MAPRE2: variants seen among roughly 807,000 people sequenced by gnomAD.
MAPRE2 encodes microtubule-associated protein RP/EB family member 2.
Under a neutral mutation model 43.2 loss-of-function variants are expected in MAPRE2, and 13 were observed. That is an observed-to-expected ratio of 0.30 (90% CI 0.20 to 0.48). The LOEUF (loss-of-function observed/expected upper bound fraction) is 0.48. Ranked by LOEUF, MAPRE2 falls within the 20% of genes least tolerant of loss-of-function variation. The pLI is 0.99. For synonymous variants in MAPRE2, 135 were observed against 148.8 expected (o/e 0.91, Z 0.68); for missense variants, 161 against 400.2 (o/e 0.40, Z 5.10).
chr18:35,035,644 T>A (rs1415078557), intron 2 of MAPRE2, among the ~76,000 whole-genome samples: 2 of 151,352 alleles, frequency 1.3e-5, no homozygotes, highest in Non-Finnish European at 2.9e-5. Context: ...TCAAATCTAG[T>A]AAACATATCT....
At chr18:35,140,213 C>A in intron 6 of MAPRE2, 82 bp from the exon 7 acceptor site, 1 of 1,237,454 alleles carries the variant, frequency 8.1e-7, no homozygotes, top group Non-Finnish European at 1.2e-6. Flanking sequence ...AGACGCCATG[C>A]TGGCAGTGGC....
At chr18:35,010,059 C>A (rs1035602796) in intron 2 of MAPRE2, among the ~76,000 whole-genome samples, 3 of 152,090 alleles carry the variant, frequency 2.0e-5, no homozygotes, top group African/African-American at 7.2e-5. Context: ...CCATCTCACA[C>A]CACAGTAACA....
Position 35,131,899 on chromosome 18 carries a change from C to T in MAPRE2, c.751-133C>T, listed in dbSNP as rs933555527. Reference sequence around the variant, plus strand: ...TCCAGACAACAGCCCTGTTGTTTCTCCCTCAGACTTACACATTGGTTATTT... The same window carrying T: ...TCCAGACAACAGCCCTGTTGTTTCTTCCTCAGACTTACACATTGGTTATTT... On this transcript the variant is annotated intron_variant, in intron 5 of 6. Transcript: ENST00000300249. 3 of 863,282 alleles carry T rather than the reference C, an allele frequency of 3.5e-6. No homozygotes were observed. The African/African-American group carries it at 5.1e-5, about 15-fold the overall frequency. The allele number at this position is 863,282 out of a possible 1,614,324, so 53.5% of individuals were successfully genotyped here.
intron 2 of MAPRE2, among the ~76,000 whole-genome samples, chr18:35,076,908 T>C (rs1235262441): frequency 6.6e-6 from 1 of 152,186 alleles, no homozygotes; most frequent in Non-Finnish European, 1.5e-5. Context: ...ACTGCATTAG[T>C]ATTTATCACA....
At chr18:35,101,351 G>A (rs929294058) in intron 3 of MAPRE2, among the ~76,000 whole-genome samples, 9 of 152,232 alleles carry the variant, frequency 5.9e-5, no homozygotes, top group African/African-American at 1.9e-4. Context: ...GAAGCACATC[G>A]TGGAGAATCA....
intron 2 of MAPRE2, among the ~76,000 whole-genome samples, chr18:35,025,610 C>T (rs994903447): frequency 2.6e-5 from 4 of 152,174 alleles, no homozygotes; most frequent in Non-Finnish European, 5.9e-5. Context: ...GGTAACAACT[C>T]GGATACTGTT....
chr18:35,054,579 G>T (rs544757069), intron 1 of MAPRE2, among the ~76,000 whole-genome samples: 1 of 152,176 alleles, frequency 6.6e-6, no homozygotes. Flanking sequence ...TGAGAGTTGC[G>T]AGTGTTCTTT....
chr18:35,019,777 G>A (rs927900721), intron 2 of MAPRE2, among the ~76,000 whole-genome samples: 2 of 152,010 alleles, frequency 1.3e-5, no homozygotes, highest in African/African-American at 4.8e-5. Context: ...AATACTCTGA[G>A]TGGCAATCTC....
intron 1 of MAPRE2, among the ~76,000 whole-genome samples, chr18:35,065,913 A>G (rs1906818464): frequency 6.6e-6 from 1 of 152,326 alleles, no homozygotes; most frequent in African/African-American, 2.4e-5. Context: ...TGAAAGCCAC[A>G]AAGTGGGAGA....
intron 1 of MAPRE2, among the ~76,000 whole-genome samples, chr18:34,995,966 A>G (rs2097026298): frequency 6.6e-6 from 1 of 152,150 alleles, no homozygotes; most frequent in African/African-American, 2.4e-5. Context: ...GACGTACTGA[A>G]TCATAACCTG....
rs1254942244 is a variant in MAPRE2, at chr18:35,142,338, G to T, written c.*1969G>T. 2 of 152,248 alleles carry T rather than the reference G, an allele frequency of 1.3e-5. No homozygotes were observed. Among genetic ancestry groups the T allele is most frequent in the East Asian group, 3.9e-4 (2 of 5,194 alleles). The allele number at this position is 152,248 out of a possible 1,614,324, so 9.4% of individuals were successfully genotyped here. ...TCCTAGGCCATTCTTCATCTGCTCT[G>T]GACATCTCAGTCATACCCAATGCTC... On this transcript the variant is annotated 3_prime_UTR_variant, in exon 7 of 7. Transcript: ENST00000300249.
intron 2 of MAPRE2, among the ~76,000 whole-genome samples, chr18:35,021,698 G>A (rs2097042024): frequency 6.6e-6 from 1 of 152,070 alleles, no homozygotes; most frequent in Non-Finnish European, 1.5e-5. Flanking sequence ...GAGTATCACA[G>A]GGTATAAAGC....
Position 35,002,264 on chromosome 18 carries a change from T to C in MAPRE2, c.-69-3228T>C, listed in dbSNP as rs1393027143. On this transcript the variant is annotated intron_variant, in intron 1 of 7. Transcript: ENST00000413393. ...GATTCATTCAGGTTGTTACTTTCTA[T>C]CAATAGTTGGTTCCTTCTTATTGCT... Among the ~76,000 whole-genome samples, 5 of 152,366 alleles carry C rather than the reference T, an allele frequency of 3.3e-5. No individual in the cohort carries two copies. In the East Asian group the frequency reaches 9.6e-4, roughly 29 times the overall value.
intron 4 of MAPRE2, among the ~76,000 whole-genome samples, chr18:35,114,565 A>G (rs563470671): frequency 8.5e-5 from 13 of 152,188 alleles, no homozygotes; most frequent in African/African-American, 2.9e-4. Flanking sequence ...AGAATTACTA[A>G]TCTCTGATTT....
intron 1 of MAPRE2, among the ~76,000 whole-genome samples, chr18:35,058,534 C>T (rs1906354659): frequency 6.6e-6 from 1 of 152,082 alleles, no homozygotes; most frequent in Non-Finnish European, 1.5e-5. Flanking sequence ...GACTAATTTA[C>T]CACAAAAAGC....
chr18:35,086,870 C>G (rs1398308240), intron 2 of MAPRE2, among the ~76,000 whole-genome samples: 2 of 152,012 alleles, frequency 1.3e-5, no homozygotes, highest in African/African-American at 4.8e-5. Flanking sequence ...CAGATTTTAC[C>G]CAAATGTGGG....
At chr18:35,045,380 G>A (rs187147084) in intron 1 of MAPRE2, among the ~76,000 whole-genome samples, 52 of 152,222 alleles carry the variant, frequency 3.4e-4, no homozygotes, top group Non-Finnish European at 6.8e-4. Context: ...TATAAGTCTA[G>A]AGGACTATTT....
chr18:34,997,740 C>T (rs1043921365), intron 1 of MAPRE2, among the ~76,000 whole-genome samples: 2 of 152,182 alleles, frequency 1.3e-5, no homozygotes, highest in African/African-American at 4.8e-5. Context: ...CTCTTGAACC[C>T]AGAAGGCTGA....
chr18:35,090,700 C>T (rs1241952452), intron 2 of MAPRE2, among the ~76,000 whole-genome samples: 1 of 145,060 alleles, frequency 6.9e-6, no homozygotes, highest in African/African-American at 2.6e-5. Flanking sequence ...CCACTGCACT[C>T]CAGCCTGGGA....
Sources: allele counts gnomAD v4.1 joint callset (sites outside exome capture counted in the v4.1 genomes callset), GRCh38; gene constraint gnomAD v4.1.1; transcripts MANE v1.5; gene names NCBI Gene and HGNC (gene_info 2026-07-23, HGNC 2026-07-21).